The following PGBD5 variants were observed in gnomAD, a reference collection of about 807,000 sequenced individuals.
The protein encoded by PGBD5 is piggyBac transposable element derived 5, also known as piggyBac transposable element-derived protein 5.
Under a neutral mutation model 47.9 loss-of-function variants are expected in PGBD5, and 14 were observed. The observed-to-expected ratio is 0.29, with a 90% CI of 0.19 to 0.46. The LOEUF is 0.46. Among genes scored for constraint, PGBD5 ranks in the 20% least tolerant of loss-of-function variants. PGBD5 has a pLI of 1.00. For synonymous variants in PGBD5, 316 were observed against 306.3 expected (o/e 1.03, Z -0.33); for missense variants, 635 against 716.0 (o/e 0.89, Z 1.29).
intron 1 of PGBD5, chr1:230,368,224 C>T (rs561588187): frequency 2.3e-6 from 3 of 1,285,246 alleles, no homozygotes; most frequent in East Asian, 4.7e-5. Context: ...CTGAAATATA[C>T]ATGGACTTGG....
At chr1:230,416,975 C>T (rs1657531180) in intron 1 of PGBD5, among the ~76,000 whole-genome samples, 1 of 152,160 alleles carries the variant, frequency 6.6e-6, no homozygotes, top group Non-Finnish European at 1.5e-5. Flanking sequence ...CTACGGTTGG[C>T]AGCAATGGCA....
intron 1 of PGBD5, among the ~76,000 whole-genome samples, chr1:230,371,794 T>A (rs1304805331): frequency 2.0e-5 from 3 of 152,198 alleles, no homozygotes; most frequent in Non-Finnish European, 4.4e-5. Context: ...CTTGCACAAA[T>A]CACTCAACAT....
chr1:230,394,695 T>G (rs1396064366), intron 1 of PGBD5, among the ~76,000 whole-genome samples: 1 of 130,368 alleles, frequency 7.7e-6, no homozygotes, highest in Non-Finnish European at 1.6e-5. Flanking sequence ...CCTCCCTTCC[T>G]CTCCTCACGC....
intron 1 of PGBD5, among the ~76,000 whole-genome samples, chr1:230,407,403 G>A (rs982913067): frequency 6.6e-6 from 1 of 152,110 alleles, no homozygotes. Flanking sequence ...AGTTCCTCCT[G>A]GAAACCATAT....
chr1:230,346,050 CT>C (rs528261676), intron 3 of PGBD5, among the ~76,000 whole-genome samples: 1 of 151,246 alleles, frequency 6.6e-6, no homozygotes, highest in Non-Finnish European at 1.5e-5. Context: ...AAGATATTTT[CT>C]TTTTTTTTGA....
At chr1:230,359,027 A>T (rs1667702292) in intron 1 of PGBD5, among the ~76,000 whole-genome samples, 1 of 152,150 alleles carries the variant, frequency 6.6e-6, no homozygotes, top group South Asian at 2.1e-4. Context: ...GATTTGTAAG[A>T]GACAAAATTT....
At chr1:230,416,647 G>A (rs1657520531) in intron 1 of PGBD5, among the ~76,000 whole-genome samples, 1 of 152,186 alleles carries the variant, frequency 6.6e-6, no homozygotes, top group African/African-American at 2.4e-5. Context: ...GCAAGGGCCT[G>A]GCAGACAGAA....
chr1:230,412,031 T>C (rs1348391743), intron 1 of PGBD5, among the ~76,000 whole-genome samples: 2 of 152,180 alleles, frequency 1.3e-5, no homozygotes, highest in African/African-American at 4.8e-5. Context: ...CATGTACATG[T>C]ATGCAAAAAT....
At chr1:230,337,056 C>T (rs1331953426) in intron 4 of PGBD5, 52 bp downstream of exon 4, 1 of 1,582,834 alleles carries the variant, frequency 6.3e-7, no homozygotes, top group African/African-American at 1.3e-5. Flanking sequence ...TCTCCCACCA[C>T]TTTCCCAGGG....
Position 230,343,346 on chromosome 1 carries a change from G to A in PGBD5, c.895-6058C>T, listed in dbSNP as rs12085984. ...CTCATGTCTGTGCAGTTGAAGAGTC[G>A]AAGTTCTTTAGGGAGAGGGTTGAAT... On this transcript the variant is annotated intron_variant, in intron 3 of 6. Coordinates refer to ENST00000391860, the MANE Select transcript of PGBD5 (RefSeq NM_001258311.2). 3.7e-3 allele frequency among the ~76,000 whole-genome samples: 557 copies of A among 152,286 alleles called. 3 individuals carry two copies. Among genetic ancestry groups the A allele is most frequent in the African/African-American group, 0.013 (528 of 41,554 alleles).
At chr1:230,419,004 G>C (rs935235995) in intron 1 of PGBD5, among the ~76,000 whole-genome samples, 6 of 152,238 alleles carry the variant, frequency 3.9e-5, no homozygotes, top group African/African-American at 1.4e-4. Flanking sequence ...GAACTTTGGA[G>C]ATTTCTCAAA....
At chr1:230,421,202 G>T (rs565765251) in intron 1 of PGBD5, among the ~76,000 whole-genome samples, 2 of 152,074 alleles carry the variant, frequency 1.3e-5, no homozygotes, top group Non-Finnish European at 2.9e-5. Flanking sequence ...AGGCAGCTAC[G>T]CCAACCACTA....
chr1:230,424,987 C>A (rs1198645378), intron 1 of PGBD5, among the ~76,000 whole-genome samples: 4 of 152,202 alleles, frequency 2.6e-5, no homozygotes, highest in Non-Finnish European at 5.9e-5. Context: ...CACCTTAACG[C>A]TGCCCAATCG....
chr1:230,378,431 A>G (rs906967939), intron 1 of PGBD5, among the ~76,000 whole-genome samples: 1 of 152,198 alleles, frequency 6.6e-6, no homozygotes, highest in Non-Finnish European at 1.5e-5. Flanking sequence ...GAAATCTCCC[A>G]GTTACCTGGA....
At chr1:230,347,481 T>TC (rs1359979289) in intron 3 of PGBD5, among the ~76,000 whole-genome samples, 23 of 146,410 alleles carry the variant, frequency 1.6e-4, no homozygotes, top group Admixed American at 1.3e-3. Context: ...CTTTTCTTTT[T>TC]TTTTTTTTTT....
intron 3 of PGBD5, among the ~76,000 whole-genome samples, chr1:230,337,734 A>G (rs1270976023): frequency 6.6e-6 from 1 of 152,174 alleles, no homozygotes; most frequent in Non-Finnish European, 1.5e-5. Flanking sequence ...CTTTATAGTA[A>G]CCCCCATCAG....
chr1:230,400,044 A>T (rs1657095841), intron 1 of PGBD5, among the ~76,000 whole-genome samples: 1 of 152,168 alleles, frequency 6.6e-6, no homozygotes, highest in Non-Finnish European at 1.5e-5. Flanking sequence ...AAGACTCCTC[A>T]TCTCATTCAA....
In PGBD5 at chr1:230,357,312, C is replaced by T. The variant is rs376716982; in HGVS notation, c.341G>A (p.Arg114Gln). 63 of 1,612,882 alleles carry T rather than the reference C, an allele frequency of 3.9e-5. No homozygotes were observed. Among genetic ancestry groups the T allele is most frequent in the Middle Eastern group, 1.6e-4 (1 of 6,074 alleles). ...GGCACTGGCGCTGGGGGGCATCTTT[C>T]GGGTGGGACCTGAAACCCAAAGACA... ...PRFEDTGGPT[R>Q]KMPPSASAVD... Residue 114 changes from arginine (R) to glutamine (Q), a missense_variant, in exon 2 of 7, where the codon CGA (arginine) becomes CAA (glutamine). Arg to Gln is a conservative substitution (Grantham distance 43, BLOSUM62 1). Transcript: ENST00000391860. The surrounding 1 kb of genome is among the most constrained non-coding windows in gnomAD (Gnocchi z 5.7).
Position 230,396,719 on chromosome 1 carries a change from G to A in PGBD5, c.331+28879C>T, listed in dbSNP as rs146814219. ...TTGGAGTTACAAAACCATGGTGTCC[G>A]CCTGAAACAACACCGTGTACTGACA... On this transcript the variant is annotated intron_variant, in intron 1 of 6. Transcript: ENST00000391860. 3.5e-3 allele frequency among the ~76,000 whole-genome samples: 539 copies of A among 151,896 alleles called. 3 individuals carry two copies. Among genetic ancestry groups the A allele is most frequent in the African/African-American group, 0.012 (493 of 41,386 alleles).
Sources: gnomAD v4.1 joint callset for allele counts (sites outside exome capture counted in the v4.1 genomes callset) on GRCh38, gnomAD v4.1.1 for gene constraint, Gnocchi (gnomAD v3.1) non-coding constraint, MANE v1.5 for transcripts, NCBI Gene and HGNC (gene_info 2026-07-23, HGNC 2026-07-21) for gene names.